Variants in DOCK3 observed in about 807,000 individuals in gnomAD.
The protein encoded by DOCK3 is dedicator of cytokinesis 3, also known as dedicator of cytokinesis protein 3.
Under a neutral mutation model 265.6 loss-of-function variants are expected in DOCK3, and 60 were observed. The ratio of observed to expected loss-of-function variants is 0.23; its 90% CI spans 0.18 to 0.28. The LOEUF (loss-of-function observed/expected upper bound fraction) is 0.28, where lower values mean the gene tolerates loss of function less well. DOCK3 is among the 10% of genes least tolerant of loss of function. The pLI is 1.00. For synonymous variants in DOCK3, 881 were observed against 938.0 expected, an observed-to-expected ratio of 0.94 and a Z score of 1.11; for missense variants, 1,981 against 2,594.3, an observed-to-expected ratio of 0.76 and a Z score of 5.14.
intron 5 of DOCK3, among the ~76,000 whole-genome samples, chr3:50,982,258 T>G (rs2077721438): frequency 6.6e-6 from 1 of 152,226 alleles, no homozygotes; most frequent in South Asian, 2.1e-4. Flanking sequence ...TTTAATCTAC[T>G]TATGCTCAAA....
chr3:51,209,554 G>A (rs1348228458), intron 13 of DOCK3, among the ~76,000 whole-genome samples: 2 of 152,020 alleles, frequency 1.3e-5, no homozygotes, highest in South Asian at 2.1e-4. Flanking sequence ...TCTAATTTAC[G>A]CAGAACCAGG....
At chr3:51,246,051 A>G (rs2078822986) in intron 21 of DOCK3, among the ~76,000 whole-genome samples, 1 of 152,192 alleles carries the variant, frequency 6.6e-6, no homozygotes, top group Non-Finnish European at 1.5e-5. Flanking sequence ...CATTCCATTC[A>G]GATGACTGAG....
At chr3:51,309,792 T>C (rs1391704292) in intron 27 of DOCK3, among the ~76,000 whole-genome samples, 1 of 152,248 alleles carries the variant, frequency 6.6e-6, no homozygotes, top group African/African-American at 2.4e-5. Flanking sequence ...CAGAGGTCTT[T>C]ACTCTGCCAT....
intron 5 of DOCK3, among the ~76,000 whole-genome samples, chr3:50,997,155 A>G (rs2078314589): frequency 6.6e-6 from 1 of 152,174 alleles, no homozygotes; most frequent in African/African-American, 2.4e-5. Context: ...TTATCTCTGT[A>G]TACCCAGTGC....
intron 2 of DOCK3, among the ~76,000 whole-genome samples, chr3:50,829,663 A>T (rs2045010480): frequency 6.6e-6 from 1 of 152,144 alleles, no homozygotes; most frequent in African/African-American, 2.4e-5. Context: ...TCTGTCGAGG[A>T]TAGTTGCTTT....
chr3:51,311,908 A>G, intron 28 of DOCK3, 96 bp from the exon 29 acceptor site: 3 of 817,964 alleles, frequency 3.7e-6, no homozygotes, highest in Admixed American at 2.8e-5. Flanking sequence ...ATTGTACTCA[A>G]GAAGTTTGCA....
intron 5 of DOCK3, among the ~76,000 whole-genome samples, chr3:50,978,911 G>A (rs1439866157): frequency 6.6e-6 from 1 of 152,166 alleles, no homozygotes; most frequent in Admixed American, 6.5e-5. Context: ...CGATTTTCCA[G>A]GTGCTGTCCG....
At chr3:50,948,586 T>C (rs1475538619) in intron 5 of DOCK3, among the ~76,000 whole-genome samples, 1 of 151,796 alleles carries the variant, frequency 6.6e-6, no homozygotes, top group African/African-American at 2.4e-5. Flanking sequence ...CTTTTTCTTT[T>C]CTTTTCTCTT....
chr3:51,152,096 G>A (rs9862998), intron 10 of DOCK3, among the ~76,000 whole-genome samples: 18,462 of 151,962 alleles, frequency 0.12, 2,284 homozygotes, highest in East Asian at 0.33. Context: ...GTGTTTTCCA[G>A]CTTGGTTCCA....
intron 6 of DOCK3, among the ~76,000 whole-genome samples, chr3:51,070,439 T>C (rs6795272): frequency 0.83 from 126,877 of 152,132 alleles, 53,381 homozygotes; most frequent in East Asian, 0.95. Context: ...ACAGGCCACT[T>C]AGTTAACCTC....
intron 20 of DOCK3, among the ~76,000 whole-genome samples, 200 bp from the exon 21 acceptor site, chr3:51,237,290 T>A (rs7634799): frequency 0.82 from 124,972 of 152,094 alleles, 51,930 homozygotes; most frequent in Middle Eastern, 0.9. Context: ...GGGTCTGAAT[T>A]AGGAGGCTGG....
intron 5 of DOCK3, among the ~76,000 whole-genome samples, chr3:51,057,002 G>C (rs777635744): frequency 2.8e-4 from 42 of 152,170 alleles, no homozygotes; most frequent in Non-Finnish European, 5.0e-4. Flanking sequence ...TTATGATGCT[G>C]TGTTTATATT....
intron 27 of DOCK3, among the ~76,000 whole-genome samples, chr3:51,281,632 T>C (rs1215971607): frequency 2.6e-5 from 4 of 152,128 alleles, no homozygotes; most frequent in Non-Finnish European, 5.9e-5. Context: ...TCAGTCACTA[T>C]CTTTTGTGTT....
intron 27 of DOCK3, among the ~76,000 whole-genome samples, chr3:51,287,484 A>C (rs1416543188): frequency 6.6e-6 from 1 of 152,176 alleles, no homozygotes; most frequent in Non-Finnish European, 1.5e-5. Context: ...CCAGGAAATC[A>C]AGGCTGCAGT....
intron 50 of DOCK3, 101 bp from the exon 51 acceptor site, chr3:51,375,646 CG>C (rs1475277627): frequency 7.6e-7 from 1 of 1,323,214 alleles, no homozygotes; most frequent in Non-Finnish European, 1.1e-6. Flanking sequence ...TTGTTTTCCC[CG>C]TCTGATCTTG....
At chr3:51,215,003 G>A (rs2089707471) in intron 14 of DOCK3, among the ~76,000 whole-genome samples, 1 of 152,200 alleles carries the variant, frequency 6.6e-6, no homozygotes, top group South Asian at 2.1e-4. Flanking sequence ...TGGATGTTAG[G>A]TGTCCTGATA....
intron 1 of DOCK3, among the ~76,000 whole-genome samples, chr3:50,762,210 C>T (rs1358534281): frequency 6.6e-6 from 1 of 150,768 alleles, no homozygotes; most frequent in Non-Finnish European, 1.5e-5. Flanking sequence ...ATATATGTCA[C>T]AAACCTGCAT....
At chr3:51,189,017 A>C (rs1205068789) in intron 12 of DOCK3, among the ~76,000 whole-genome samples, 2 of 152,212 alleles carry the variant, frequency 1.3e-5, no homozygotes, top group Non-Finnish European at 2.9e-5. Flanking sequence ...AGAAATCTCC[A>C]TACTGTTTTC....
intron 35 of DOCK3, chr3:51,337,037 T>C: frequency 2.6e-6 from 1 of 388,000 alleles, no homozygotes; most frequent in Non-Finnish European, 5.1e-6. Flanking sequence ...CTGCTAGCGC[T>C]AAAGGGACAG....
Sources: gnomAD v4.1 joint callset for allele counts (sites outside exome capture counted in the v4.1 genomes callset) on GRCh38, gnomAD v4.1.1 for gene constraint, MANE v1.5 for transcripts, NCBI Gene and HGNC (gene_info 2026-07-23, HGNC 2026-07-21) for gene names.